SSR4: variants seen among roughly 807,000 people sequenced by gnomAD.
The protein encoded by SSR4 is signal sequence receptor subunit 4.
For synonymous variants in SSR4, 84 were observed against 65.6 expected, an observed-to-expected ratio of 1.28 and a Z score of -1.35; for missense variants, 125 against 148.8, an observed-to-expected ratio of 0.84 and a Z score of 0.83.
chrX:153,796,975 G>A (rs1466484937), intron 2 of SSR4: 1 of 173,120 alleles, frequency 5.8e-6, no homozygotes, highest in Non-Finnish European at 1.1e-5. Flanking sequence ...CCACCTCCCG[G>A]GTTCAAGCGA....
chrX:153,796,034 G>A (rs185858287), intron 1 of SSR4: 108 of 184,099 alleles, frequency 5.9e-4, no homozygotes, highest in East Asian at 5.4e-3. Context: ...CCCCACCCCC[G>A]ATGTCTCTGC....
chrX:153,797,080 T>C (rs2092146128), intron 2 of SSR4: 1 of 206,981 alleles, frequency 4.8e-6, no homozygotes, highest in African/African-American at 2.8e-5. Context: ...ATGGGGCCTT[T>C]TTTGGGTATG....
Position 153,796,563 on chromosome X carries a change from G to C in SSR4, c.186+11G>C, listed in dbSNP as rs566093465. The stretch of plus-strand genomic sequence containing the variant: ...AAGAACAGGGTCCAGGTGAGACAGT[G>C]GGGTTTCAGACAGGAGGGCGGGTGG... On this transcript the variant is annotated intron_variant, in intron 2 of 5. Coordinates refer to ENST00000370086, the MANE Select transcript of SSR4 (RefSeq NM_006280.3). 97 of 1,162,024 alleles carry C rather than the reference G, an allele frequency of 8.3e-5. No homozygotes were observed. The South Asian group carries it at 1.5e-3, about 18-fold the overall frequency.
At chrX:153,797,560 G>A (rs782192130) in intron 3 of SSR4, 28 bp downstream of exon 3, 12 of 1,187,300 alleles carry the variant, frequency 1.0e-5, no homozygotes, top group Non-Finnish European at 1.3e-5. Context: ...CCCTTGCTAG[G>A]GGGCTCCCTG....
chrX:153,795,832 G>T, intron 1 of SSR4: 1 of 755,025 alleles, frequency 1.3e-6, no homozygotes, highest in Non-Finnish European at 1.6e-6. Context: ...TTTCCTTTGG[G>T]CCTCTGGTTA....
At chrX:153,794,446 A>ATCTT (rs1557071525), upstream of SSR4, 18 of 1,137,704 alleles carry the variant, frequency 1.6e-5, no homozygotes, top group African/African-American at 3.6e-5. Flanking sequence ...GCGCGGTCGC[A>ATCTT]CCGATTCACG....
At chrX:153,795,956 G>A (rs1310445126) in intron 1 of SSR4, 14 of 530,765 alleles carry the variant, frequency 2.6e-5, no homozygotes, top group Non-Finnish European at 3.2e-5. Context: ...TTCACCTTCT[G>A]TCAACTGGCC....
intron 2 of SSR4, chrX:153,797,066 G>T: frequency 5.0e-6 from 1 of 200,078 alleles, no homozygotes; most frequent in East Asian, 1.1e-4. Flanking sequence ...GTCCAAAGAA[G>T]GAAATGGGGC....
At chrX:153,794,489 C>G, upstream of SSR4, 1 of 1,153,597 alleles carries the variant, frequency 8.7e-7, no homozygotes, top group Non-Finnish European at 1.2e-6. Flanking sequence ...CCGCTGCCGC[C>G]ATGTTGAGGG....
At chrX:153,796,101 G>A (rs6643794) in intron 1 of SSR4, 4 of 208,907 alleles carry the variant, frequency 1.9e-5, no homozygotes, top group African/African-American at 2.9e-5. Flanking sequence ...TGAGGCTGGC[G>A]TGGCCCCCGG....
upstream of SSR4, chrX:153,794,528 T>C (rs782774093): frequency 9.2e-5 from 107 of 1,164,453 alleles, no homozygotes; most frequent in East Asian, 2.4e-3. Flanking sequence ...GGCCCCTGGC[T>C]CAGGGAGGGG....
chrX:153,794,797 C>G, intron 1 of SSR4, 43 bp downstream of exon 1: 3 of 1,191,778 alleles, frequency 2.5e-6, no homozygotes, highest in Non-Finnish European at 3.4e-6. Flanking sequence ...GCCTCTGACC[C>G]ACGGCAGGTG....
At chrX:153,795,901 CAG>C (rs2092137368) in intron 1 of SSR4, 1 of 719,366 alleles carries the variant, frequency 1.4e-6, no homozygotes, top group Non-Finnish European at 1.6e-6. Flanking sequence ...CTTCTGGAAC[CAG>C]AGTCTCTCCC....
upstream of SSR4, chrX:153,794,407 G>A (rs1462396386): frequency 2.6e-6 from 3 of 1,138,063 alleles, no homozygotes; most frequent in Non-Finnish European, 3.5e-6. Flanking sequence ...AAGTTTCGGG[G>A]ACAGGCGCGG....
intron 2 of SSR4, chrX:153,796,765 C>T (rs1723198263): frequency 1.0e-5 from 4 of 397,088 alleles, no homozygotes; most frequent in Non-Finnish European, 1.8e-5. Context: ...TAACCCTGGG[C>T]TCACCACCCG....
rs2092141924 is a variant in SSR4, at chrX:153,796,445, C to T, written c.79C>T (p.Leu27=). 1 of 1,208,652 alleles carries T rather than the reference C, an allele frequency of 8.3e-7. No homozygotes were observed. The highest frequency in any genetic ancestry group is 1.1e-6 in the Non-Finnish European group (1 of 892,396). The part of the protein sequence containing the change: ...SLSRCSAEAC[L]EPQITPSYYT... ...CCTCTTCCCCGCAGCCGAGGCCTGC[C>T]TGGAGCCCCAGATCACCCCTTCCTA... Residue 27 remains leucine (L), a synonymous_variant, in exon 2 of 6, where the codon CTG becomes TTG. Transcript: ENST00000370086.
rs782618424 is a variant in SSR4 at position 153,797,619 on chromosome X, A to G, written c.261+87A>G. ...CAGGGGTGGCCGGTCAACCAGGGCCAGGGGCCGTGGGCTCTGGCTGCCGGA... is the reference window on the plus strand; with the variant it reads ...CAGGGGTGGCCGGTCAACCAGGGCCGGGGGCCGTGGGCTCTGGCTGCCGGA... On this transcript the variant is annotated intron_variant, in intron 3 of 5. Transcript: ENST00000370086. 7.1e-6 allele frequency: 8 copies of G among 1,119,442 alleles called. No homozygotes were observed. In the South Asian group the frequency reaches 1.5e-4, roughly 21 times the overall value. The allele number at this position is 1,119,442 out of a possible 1,213,427, so 92.3% of individuals were successfully genotyped here. A position where few individuals can be genotyped will look rare whatever the true frequency, so the allele number is the denominator to read the frequency against.
intron 1 of SSR4, chrX:153,795,558 C>A (rs2092135077): frequency 4.0e-6 from 2 of 501,368 alleles, no homozygotes; most frequent in African/African-American, 2.6e-5. Context: ...GCCATAAAAC[C>A]CTTCGGGGGC....
At chrX:153,797,560 G>T in intron 3 of SSR4, 28 bp downstream of exon 3, 2 of 1,188,643 alleles carry the variant, frequency 1.7e-6, no homozygotes, top group Non-Finnish European at 2.3e-6. Flanking sequence ...CCCTTGCTAG[G>T]GGGCTCCCTG....
Sources: allele counts gnomAD v4.1 joint callset, GRCh38; gene constraint gnomAD v4.1.1; transcripts MANE v1.5; gene names NCBI Gene and HGNC (gene_info 2026-07-23, HGNC 2026-07-21).